The following NBAS variants were observed in gnomAD, a reference collection of about 807,000 sequenced individuals.
NBAS encodes the protein NAG/BC035112 fusion.
In NBAS, 219 loss-of-function variants were observed where a neutral mutation model predicts 302.5. The observed-to-expected ratio is 0.72, with a 90% CI of 0.65 to 0.81. The LOEUF is 0.81. Among genes scored for constraint, NBAS ranks in the 30% least tolerant of loss-of-function variants. NBAS has a pLI of 0.00. For synonymous variants in NBAS, 1,118 were observed against 1,021.6 expected, an observed-to-expected ratio of 1.09 and a Z score of -1.80; for missense variants, 2,932 against 2,841.6, an observed-to-expected ratio of 1.03 and a Z score of -0.72.
Position 15,506,493 on chromosome 2 carries a change from A to C in NBAS, c.886-2280T>G, listed in dbSNP as rs1015197282. Among the ~76,000 whole-genome samples, 3 of 152,218 alleles carry C rather than the reference A, an allele frequency of 2.0e-5. No homozygotes were observed. The East Asian group carries it at 5.8e-4, about 29-fold the overall frequency. ...CAAAACAAGAGTAGCATTTTTTAAAAGTGTAGTGAAAGAGAAGGCGAACCA... is the reference window on the plus strand; with the variant it reads ...CAAAACAAGAGTAGCATTTTTTAAACGTGTAGTGAAAGAGAAGGCGAACCA... On this transcript the variant is annotated intron_variant, in intron 10 of 51. Transcript: ENST00000281513.
the NBAS span, among the ~76,000 whole-genome samples, chr2:14,796,919 CAAAA>C: frequency 1.7e-3 from 144 of 86,474 alleles, no homozygotes; most frequent in African/African-American, 5.7e-3. Flanking sequence ...CTAAAAAATA[CAAAA>C]AAAAAAAAAA....
intron 10 of NBAS, among the ~76,000 whole-genome samples, chr2:15,505,842 C>T (rs781520182): frequency 1.3e-5 from 2 of 151,728 alleles, no homozygotes; most frequent in Non-Finnish European, 2.9e-5. Context: ...AGAATGTGGA[C>T]AACTTGAAAA....
the NBAS span, among the ~76,000 whole-genome samples, chr2:15,146,337 G>T: frequency 6.6e-6 from 1 of 152,142 alleles, no homozygotes; most frequent in Non-Finnish European, 1.5e-5. Context: ...ATTTAAGGAT[G>T]GCAATAGTGG....
At chr2:15,343,257 G>A (rs1672940974) in intron 35 of NBAS, among the ~76,000 whole-genome samples, 1 of 152,080 alleles carries the variant, frequency 6.6e-6, no homozygotes, top group Non-Finnish European at 1.5e-5. Flanking sequence ...ACCTTACAAA[G>A]GGGAAACAAC....
At chr2:14,917,145 T>C in the NBAS span, among the ~76,000 whole-genome samples, 673 of 152,322 alleles carry the variant, frequency 4.4e-3, 3 homozygotes, top group Middle Eastern at 0.017. Flanking sequence ...ACATTTGTTG[T>C]CTCATGATTG....
chr2:15,269,098 G>C (rs1286751064), intron 44 of NBAS, among the ~76,000 whole-genome samples: 1 of 152,170 alleles, frequency 6.6e-6, no homozygotes, highest in Non-Finnish European at 1.5e-5. Context: ...TGCCTGGGAA[G>C]CAGGTTTCTG....
At chr2:14,904,233 A>G in the NBAS span, among the ~76,000 whole-genome samples, 1 of 152,224 alleles carries the variant, frequency 6.6e-6, no homozygotes, top group African/African-American at 2.4e-5. Context: ...CACGAGGTGA[A>G]GTCCTACCAT....
At chr2:15,117,980 G>A in the NBAS span, among the ~76,000 whole-genome samples, 1 of 152,358 alleles carries the variant, frequency 6.6e-6, no homozygotes, top group South Asian at 2.1e-4. Flanking sequence ...GGGCTGCAAG[G>A]AGGAAAAGCA....
intron 6 of NBAS, among the ~76,000 whole-genome samples, chr2:15,547,962 T>C (rs1216205337): frequency 6.6e-6 from 1 of 152,236 alleles, no homozygotes; most frequent in African/African-American, 2.4e-5. Flanking sequence ...TATTGCTCTA[T>C]TCATGCTATG....
the NBAS span, among the ~76,000 whole-genome samples, chr2:15,003,987 T>C: frequency 2.6e-5 from 4 of 152,214 alleles, no homozygotes; most frequent in African/African-American, 9.6e-5. Flanking sequence ...TTTTCAGACA[T>C]CTATTTTTTA....
At chr2:15,040,271 C>T in the NBAS span, among the ~76,000 whole-genome samples, 1 of 152,138 alleles carries the variant, frequency 6.6e-6, no homozygotes, top group African/African-American at 2.4e-5. Context: ...CAAGGTAAGG[C>T]TTATTACAGG....
chr2:15,120,773 A>C, the NBAS span, among the ~76,000 whole-genome samples: 2 of 152,236 alleles, frequency 1.3e-5, no homozygotes, highest in African/African-American at 4.8e-5. Flanking sequence ...ATACATAAAA[A>C]GCGAAAAGAT....
At chr2:15,366,210 T>C (rs1414498313) in intron 32 of NBAS, among the ~76,000 whole-genome samples, 5 of 152,240 alleles carry the variant, frequency 3.3e-5, no homozygotes, top group Non-Finnish European at 5.9e-5. Flanking sequence ...GTTTTATATG[T>C]AACTTTTCTG....
intron 48 of NBAS, among the ~76,000 whole-genome samples, chr2:15,207,497 TG>T (rs568459833): frequency 6.6e-6 from 1 of 152,184 alleles, no homozygotes; most frequent in South Asian, 2.1e-4. Flanking sequence ...TTTTGAAAAG[TG>T]AAAGGGATAA....
At chr2:15,140,069 T>C in the NBAS span, among the ~76,000 whole-genome samples, 1 of 152,276 alleles carries the variant, frequency 6.6e-6, no homozygotes, top group East Asian at 1.9e-4. Context: ...GCCTACCTCA[T>C]TTTAGAACAC....
Position 15,447,394 on chromosome 2 carries a change from T to G in NBAS, c.2339+13807A>C, listed in dbSNP as rs1394257287. 2.0e-5 allele frequency among the ~76,000 whole-genome samples: 3 copies of G among 152,210 alleles called. No homozygotes were observed. The East Asian group carries it at 5.8e-4, about 29-fold the overall frequency. ...GTTGAGAGGGAAAGACAGTTCTTTA[T>G]GTTTTCCCAGAGTTTAGGTAAAATA... On this transcript the variant is annotated intron_variant, in intron 21 of 51. Coordinates refer to ENST00000281513, the MANE Select transcript of NBAS (RefSeq NM_015909.4).
rs114167492 is a variant in NBAS, at chr2:15,397,295, G to A, written c.3072-820C>T. 3.1e-3 allele frequency: 627 copies of A among 202,206 alleles called. 5 individuals are homozygous for A. Among genetic ancestry groups the A allele is most frequent in the African/African-American group, 0.013 (568 of 42,178 alleles). 12.5% of individuals were successfully genotyped at this position (202,206 alleles called of 1,614,324 possible). A position where few individuals can be genotyped will look rare whatever the true frequency, so the allele number is the denominator to read the frequency against. ...AGAAACACTGCTGCTGCCACTCTCA[G>A]GTGCCTTCTGTGCAATGCTCCACCT... On this transcript the variant is annotated intron_variant, in intron 26 of 51. Transcript: ENST00000281513.
intron 12 of NBAS, among the ~76,000 whole-genome samples, chr2:15,486,988 CCTT>C: frequency 6.6e-6 from 1 of 151,454 alleles, no homozygotes; most frequent in Admixed American, 6.6e-5. Flanking sequence ...CTCAGAATAG[CCTT>C]TACACTGGAT....
chr2:15,286,192 T>C (rs755521618), intron 42 of NBAS, among the ~76,000 whole-genome samples: 1 of 152,192 alleles, frequency 6.6e-6, no homozygotes, highest in South Asian at 2.1e-4. Context: ...CCTGCCTTTC[T>C]GTACTTCAAA....
Sources: gnomAD v4.1 joint callset for allele counts (sites outside exome capture counted in the v4.1 genomes callset) on GRCh38, gnomAD v4.1.1 for gene constraint, MANE v1.5 for transcripts, NCBI Gene and HGNC (gene_info 2026-07-23, HGNC 2026-07-21) for gene names.